PTPRD: variants seen among roughly 807,000 people sequenced by gnomAD.
PTPRD encodes the protein protein tyrosine phosphatase receptor type D.
PTPRD carries 34 observed loss-of-function variants against 214.5 expected under a neutral mutation model. That is an observed-to-expected ratio of 0.16 (90% CI 0.12 to 0.21). The LOEUF (loss-of-function observed/expected upper bound fraction) is 0.21, where lower values mean the gene tolerates loss of function less well. Among genes scored for constraint, PTPRD ranks in the 10% least tolerant of loss-of-function variants. The pLI is 1.00. For missense variants in PTPRD, 2,545 were observed against 2,398.7 expected (o/e 1.06, Z -1.27); for synonymous variants, 1,128 against 845.7 (o/e 1.33, Z -5.79).
intron 36 of PTPRD, among the ~76,000 whole-genome samples, chr9:8,403,257 A>G (rs2092628794): frequency 6.6e-6 from 1 of 152,222 alleles, no homozygotes; most frequent in Non-Finnish European, 1.5e-5. Context: ...TCGAACAACT[A>G]CAGATGAACA....
chr9:9,763,075 C>A (rs1312017737), intron 6 of PTPRD, among the ~76,000 whole-genome samples: 1 of 152,130 alleles, frequency 6.6e-6, no homozygotes, highest in Non-Finnish European at 1.5e-5. Context: ...TATACAGCCT[C>A]CAATTCTATC....
chr9:8,362,081 T>C (rs575563471), intron 39 of PTPRD, among the ~76,000 whole-genome samples: 3 of 152,358 alleles, frequency 2.0e-5, no homozygotes, highest in Admixed American at 2.0e-4. Flanking sequence ...AATTTGTACC[T>C]TTGTACAGTA....
chr9:9,691,496 T>C (rs746395935), intron 7 of PTPRD, among the ~76,000 whole-genome samples: 1 of 152,060 alleles, frequency 6.6e-6, no homozygotes, highest in Non-Finnish European at 1.5e-5. Context: ...TAGTACTCCA[T>C]TGTGTGGAAG....
intron 11 of PTPRD, among the ~76,000 whole-genome samples, chr9:8,734,393 G>T (rs1045159403): frequency 1.3e-5 from 2 of 152,246 alleles, no homozygotes; most frequent in African/African-American, 4.8e-5. Flanking sequence ...AATGGAAGCT[G>T]CTTTTTTGGC....
At chr9:9,817,865 C>G (rs888220216) in intron 5 of PTPRD, among the ~76,000 whole-genome samples, 1 of 152,166 alleles carries the variant, frequency 6.6e-6, no homozygotes, top group African/African-American at 2.4e-5. Flanking sequence ...ACCAGAAGAG[C>G]TGTGCCTGCC....
chr9:8,584,696 CA>C (rs1564523851), intron 14 of PTPRD, among the ~76,000 whole-genome samples: 1 of 152,066 alleles, frequency 6.6e-6, no homozygotes, highest in East Asian at 1.9e-4. Flanking sequence ...GTAAATATAA[CA>C]AACAGCAGAA....
At chr9:9,473,196 TATAACTGAGAACAC>T (rs1217307010) in intron 8 of PTPRD, among the ~76,000 whole-genome samples, 3 of 152,178 alleles carry the variant, frequency 2.0e-5, no homozygotes, top group African/African-American at 4.8e-5. Flanking sequence ...AGTTCTCACA[TATAACTGAGAACAC>T]ATGAATGAAA....
chr9:10,179,218 A>G (rs1264407667), intron 3 of PTPRD, among the ~76,000 whole-genome samples: 2 of 151,842 alleles, frequency 1.3e-5, no homozygotes, highest in Non-Finnish European at 2.9e-5. Flanking sequence ...GAAGAAAAAG[A>G]ACTTTGAGCC....
At chr9:9,109,391 C>G (rs1431693647) in intron 10 of PTPRD, among the ~76,000 whole-genome samples, 2 of 152,112 alleles carry the variant, frequency 1.3e-5, no homozygotes, top group Non-Finnish European at 2.9e-5. Context: ...TGAAATTTCT[C>G]TCACTGTTGC....
At chr9:8,994,344 C>G in intron 11 of PTPRD, among the ~76,000 whole-genome samples, 1 of 152,106 alleles carries the variant, frequency 6.6e-6, no homozygotes, top group East Asian at 1.9e-4. Context: ...ATTGCCAGGT[C>G]TGTTTGTAGA....
intron 5 of PTPRD, among the ~76,000 whole-genome samples, chr9:9,853,775 C>G (rs569544792): frequency 3.4e-4 from 51 of 152,164 alleles, no homozygotes; most frequent in African/African-American, 1.2e-3. Flanking sequence ...TCTCAATGGT[C>G]TCAATTTCTT....
intron 9 of PTPRD, among the ~76,000 whole-genome samples, chr9:9,236,466 C>T (rs1280339493): frequency 2.0e-5 from 3 of 151,756 alleles, no homozygotes; most frequent in Non-Finnish European, 4.4e-5. Flanking sequence ...CATAAATTCT[C>T]CTCTCTGCCC....
chr9:10,185,638 T>C (rs1417406070), intron 3 of PTPRD, among the ~76,000 whole-genome samples: 1 of 152,158 alleles, frequency 6.6e-6, no homozygotes, highest in African/African-American at 2.4e-5. Flanking sequence ...CAGGCTAATT[T>C]GACTCTAAGA....
At chr9:9,871,944 A>C (rs1304607420) in intron 5 of PTPRD, among the ~76,000 whole-genome samples, 1 of 147,852 alleles carries the variant, frequency 6.8e-6, no homozygotes, top group African/African-American at 2.7e-5. Context: ...TACAATTGCC[A>C]GACAAACAAC....
chr9:8,790,088 C>G (rs1289427357), intron 11 of PTPRD, among the ~76,000 whole-genome samples: 5 of 152,134 alleles, frequency 3.3e-5, no homozygotes, highest in Non-Finnish European at 5.9e-5. Flanking sequence ...GCCATCATCA[C>G]TCACGGCAGC....
At chr9:9,820,836 A>C (rs1406576994) in intron 5 of PTPRD, among the ~76,000 whole-genome samples, 2 of 151,736 alleles carry the variant, frequency 1.3e-5, no homozygotes, top group Non-Finnish European at 2.9e-5. Context: ...TGTTCCATTG[A>C]TTTATGTGTC....
chr9:10,126,828 G>A (rs1310167517), intron 3 of PTPRD, among the ~76,000 whole-genome samples: 1 of 151,886 alleles, frequency 6.6e-6, no homozygotes, highest in Non-Finnish European at 1.5e-5. Context: ...TGACGAAACT[G>A]TACAAACAAT....
At chr9:10,377,441 TC>T (rs2097753760) in intron 2 of PTPRD, among the ~76,000 whole-genome samples, 2 of 150,936 alleles carry the variant, frequency 1.3e-5, no homozygotes, top group African/African-American at 4.9e-5. Flanking sequence ...CCCTCCCCTC[TC>T]CCCCCACCCC....
At chr9:8,832,610 C>T (rs1420879341) in intron 11 of PTPRD, among the ~76,000 whole-genome samples, 3 of 151,988 alleles carry the variant, frequency 2.0e-5, no homozygotes, top group South Asian at 2.1e-4. Flanking sequence ...AGTGTTTGCA[C>T]CCACTATGTG....
Sources: allele counts gnomAD v4.1 joint callset (sites outside exome capture counted in the v4.1 genomes callset), GRCh38; gene constraint gnomAD v4.1.1; transcripts MANE v1.5; gene names NCBI Gene and HGNC (gene_info 2026-07-23, HGNC 2026-07-21).